TRPM3: variants seen among roughly 807,000 people sequenced by gnomAD.
TRPM3 encodes the protein long transient receptor potential channel 3.
In TRPM3, 77 loss-of-function variants were observed where a neutral mutation model predicts 181.2. The ratio of observed to expected loss-of-function variants is 0.42; its 90% confidence interval spans 0.35 to 0.51. The LOEUF is 0.51. Among genes scored for constraint, TRPM3 ranks in the 20% least tolerant of loss-of-function variants. The pLI, the probability that TRPM3 is intolerant of heterozygous loss-of-function variation, is 0.01. For synonymous variants in TRPM3, 745 were observed against 796.4 expected, an observed-to-expected ratio of 0.94 and a Z score of 1.09; for missense variants, 1,759 against 2,196.7, an observed-to-expected ratio of 0.80 and a Z score of 3.98.
intron 22 of TRPM3, among the ~76,000 whole-genome samples, chr9:70,573,256 T>C (rs927653184): frequency 2.0e-5 from 3 of 152,138 alleles, no homozygotes; most frequent in Admixed American, 6.5e-5. Flanking sequence ...CTTTGGTGAG[T>C]TGATTTTCCA....
intron 7 of TRPM3, among the ~76,000 whole-genome samples, chr9:70,769,678 C>T (rs927906565): frequency 6.6e-6 from 1 of 152,122 alleles, no homozygotes; most frequent in Admixed American, 6.6e-5. Flanking sequence ...GTGAAAGGCT[C>T]TGATTACTGC....
intron 1 of TRPM3, among the ~76,000 whole-genome samples, chr9:71,401,827 C>T (rs1407082061): frequency 1.3e-5 from 2 of 152,160 alleles, no homozygotes; most frequent in Non-Finnish European, 2.9e-5. Context: ...CAAAATAAAG[C>T]TATGCTCAGA....
intron 1 of TRPM3, among the ~76,000 whole-genome samples, chr9:71,343,472 G>A (rs2091096000): frequency 6.6e-6 from 1 of 152,002 alleles, no homozygotes; most frequent in African/African-American, 2.4e-5. Flanking sequence ...TATTATGTTG[G>A]ACAATGAATA....
At chr9:70,633,483 GTTTTCCCCTCTTGTT>G (rs2066283570) in intron 12 of TRPM3, among the ~76,000 whole-genome samples, 1 of 152,126 alleles carries the variant, frequency 6.6e-6, no homozygotes, top group Non-Finnish European at 1.5e-5. Flanking sequence ...ATTGCATAGT[GTTTTCCCCTCTTGTT>G]TTGAAAAAAC....
At chr9:70,565,457 C>A (rs2050313900) in intron 22 of TRPM3, among the ~76,000 whole-genome samples, 1 of 152,126 alleles carries the variant, frequency 6.6e-6, no homozygotes, top group East Asian at 1.9e-4. Flanking sequence ...CCATGCCCAA[C>A]TGATTTTGTA....
At chr9:70,781,326 T>TAAAAAAAAAAAAAAAAAAAAAAAAA (rs35173071) in intron 7 of TRPM3, among the ~76,000 whole-genome samples, 34 of 106,104 alleles carry the variant, frequency 3.2e-4, no homozygotes, top group African/African-American at 7.1e-4. Context: ...TTCCATTTCA[T>TAAAAAAAAAAAAAAAAAAAAAAAAA]AAAAAAAAAA....
chr9:70,831,637 T>C (rs1390746739), intron 5 of TRPM3, among the ~76,000 whole-genome samples: 1 of 151,992 alleles, frequency 6.6e-6, no homozygotes, highest in East Asian at 1.9e-4. Flanking sequence ...ATTTCCTGTG[T>C]TGCAGTTCAG....
At chr9:71,088,714 T>C (rs945279706) in intron 1 of TRPM3, among the ~76,000 whole-genome samples, 1 of 152,080 alleles carries the variant, frequency 6.6e-6, no homozygotes, top group African/African-American at 2.4e-5. Flanking sequence ...ACATAATTAG[T>C]ATGTGGATAT....
intron 25 of TRPM3, among the ~76,000 whole-genome samples, chr9:70,546,315 T>C (rs1293346829): frequency 6.6e-6 from 1 of 152,160 alleles, no homozygotes; most frequent in Non-Finnish European, 1.5e-5. Context: ...TTTTCAGGCC[T>C]TACTGCAGAT....
chr9:71,231,893 T>C (rs527905308), intron 1 of TRPM3, among the ~76,000 whole-genome samples: 1 of 152,160 alleles, frequency 6.6e-6, no homozygotes, highest in Non-Finnish European at 1.5e-5. Flanking sequence ...ATAATAAACC[T>C]GAACATGAAA....
chr9:70,663,289 G>A (rs1034073526), intron 9 of TRPM3, among the ~76,000 whole-genome samples: 2 of 152,106 alleles, frequency 1.3e-5, no homozygotes, highest in African/African-American at 4.8e-5. Flanking sequence ...TGGATACAGT[G>A]TATACTGCTC....
intron 7 of TRPM3, among the ~76,000 whole-genome samples, chr9:70,766,008 A>G (rs904416566): frequency 6.6e-6 from 1 of 152,136 alleles, no homozygotes; most frequent in Non-Finnish European, 1.5e-5. Context: ...GGAAACTGTT[A>G]ATTTGTGGCT....
At chr9:70,781,239 G>A (rs2082366821) in intron 7 of TRPM3, among the ~76,000 whole-genome samples, 1 of 149,710 alleles carries the variant, frequency 6.7e-6, no homozygotes, top group Admixed American at 6.7e-5. Flanking sequence ...GAAGGAGAAT[G>A]GGGTAAACCC....
At chr9:70,809,842 G>A in intron 6 of TRPM3, 1 of 441,306 alleles carries the variant, frequency 2.3e-6, no homozygotes, top group South Asian at 1.7e-5. Context: ...CTGCTTGGAT[G>A]AAGTTCTACT....
chr9:70,552,613 G>A (rs1052113989), intron 24 of TRPM3, among the ~76,000 whole-genome samples: 4 of 152,168 alleles, frequency 2.6e-5, no homozygotes, highest in African/African-American at 9.6e-5. Context: ...ATCTCTCTAA[G>A]AAAGACATGA....
At chr9:70,663,562 T>C (rs2061413748) in intron 9 of TRPM3, among the ~76,000 whole-genome samples, 1 of 152,220 alleles carries the variant, frequency 6.6e-6, no homozygotes, top group Non-Finnish European at 1.5e-5. Context: ...TCCAGGAGTC[T>C]CTTTCATTTG....
At chr9:70,615,490 A>T (rs1056100062) in intron 18 of TRPM3, among the ~76,000 whole-genome samples, 1 of 152,240 alleles carries the variant, frequency 6.6e-6, no homozygotes, top group Admixed American at 6.5e-5. Context: ...GACCCTGAAG[A>T]CAGATACAGG....
At chr9:70,972,278 T>C (rs2097255404) in intron 1 of TRPM3, among the ~76,000 whole-genome samples, 1 of 152,190 alleles carries the variant, frequency 6.6e-6, no homozygotes, top group African/African-American at 2.4e-5. Flanking sequence ...GGATGAGCCT[T>C]GAAAACATTA....
Position 70,643,796 on chromosome 9 carries a change from C to T in TRPM3, c.1346-3136G>A, listed in dbSNP as rs189758179. On this transcript the variant is annotated intron_variant, in intron 9 of 25. Transcript: ENST00000677713. ...CTAGTTTAATTGGTCCTGGGCATTG[C>T]GGTTTTTAAAAGTTCCCCAATGATT... Among the ~76,000 whole-genome samples the T allele has an allele frequency of 7.9e-5, 12 of 152,302 alleles. No homozygotes were observed. The East Asian group carries it at 1.5e-3, about 20-fold the overall frequency.
Sources: allele counts gnomAD v4.1 joint callset (sites outside exome capture counted in the v4.1 genomes callset), GRCh38; gene constraint gnomAD v4.1.1; transcripts MANE v1.5; gene names NCBI Gene and HGNC (gene_info 2026-07-23, HGNC 2026-07-21).